Variants in CHKA observed in about 807,000 individuals in gnomAD.
CHKA encodes CHETK-alpha.
A neutral mutation model predicts 60.1 loss-of-function variants in CHKA; 34 were observed. That is an observed-to-expected ratio of 0.57 (90% CI 0.43 to 0.75). CHKA has a LOEUF of 0.75. Ranked by LOEUF, CHKA falls within the 30% of genes least tolerant of loss-of-function variation. CHKA has a pLI of 0.00. For synonymous variants in CHKA, 217 were observed against 223.1 expected (o/e 0.97, Z 0.24); for missense variants, 563 against 561.3 (o/e 1.00, Z -0.03).
intron 2 of CHKA, among the ~76,000 whole-genome samples, chr11:68,085,458 T>C (rs1232655701): frequency 6.6e-6 from 1 of 151,920 alleles, no homozygotes; most frequent in African/African-American, 2.4e-5. Flanking sequence ...TGAGCTCAAG[T>C]GATCCTCCTG....
chr11:68,113,377 T>C (rs934837988), intron 1 of CHKA, among the ~76,000 whole-genome samples: 1 of 152,108 alleles, frequency 6.6e-6, no homozygotes, highest in Non-Finnish European at 1.5e-5. Flanking sequence ...ATTTTCATCA[T>C]ATGTCATTAG....
chr11:68,070,887 C>T, intron 4 of CHKA, 30 bp from the exon 5 acceptor site: 1 of 1,595,018 alleles, frequency 6.3e-7, no homozygotes, highest in South Asian at 1.1e-5. Flanking sequence ...TAAAAACTGA[C>T]ATTTACCAAG....
chr11:68,085,409 C>G (rs1225383943), intron 2 of CHKA, among the ~76,000 whole-genome samples: 1 of 151,268 alleles, frequency 6.6e-6, no homozygotes, highest in Non-Finnish European at 1.5e-5. Context: ...CTTGTAGAGA[C>G]AAGATCTCAC....
intron 3 of CHKA, among the ~76,000 whole-genome samples, chr11:68,078,094 C>G (rs2134576022): frequency 6.6e-6 from 1 of 152,230 alleles, no homozygotes; most frequent in Middle Eastern, 3.4e-3. Flanking sequence ...CTTAAAATGC[C>G]CTTTCTTATG....
chr11:68,060,919 TGAG>T (rs1344156187), intron 11 of CHKA, among the ~76,000 whole-genome samples: 1 of 152,094 alleles, frequency 6.6e-6, no homozygotes, highest in African/African-American at 2.4e-5. Flanking sequence ...AGTATAAGAC[TGAG>T]GAGGTCAAAA....
intron 1 of CHKA, among the ~76,000 whole-genome samples, chr11:68,109,353 T>C (rs574711542): frequency 3.3e-5 from 5 of 152,202 alleles, no homozygotes; most frequent in African/African-American, 1.2e-4. Flanking sequence ...GCTCCCAAAG[T>C]GCTGGGATTA....
At chr11:68,116,152 T>C (rs1858375534) in intron 1 of CHKA, among the ~76,000 whole-genome samples, 1 of 152,186 alleles carries the variant, frequency 6.6e-6, no homozygotes, top group Non-Finnish European at 1.5e-5. Flanking sequence ...GAACGTAATG[T>C]CAAAAGATGT....
intron 11 of CHKA, among the ~76,000 whole-genome samples, chr11:68,060,599 C>T (rs1407247625): frequency 6.6e-6 from 1 of 152,256 alleles, no homozygotes; most frequent in African/African-American, 2.4e-5. Flanking sequence ...GCGTGAGCCA[C>T]TGCAACCGGC....
chr11:68,121,150 C>A lies in CHKA; in HGVS notation c.28G>T (p.Glu10Ter). 8.3e-7 allele frequency: 1 copy of A among 1,209,856 alleles called. No homozygotes were observed. Among genetic ancestry groups the A allele is most frequent in the Non-Finnish European group, 1.0e-6 (1 of 965,760 alleles). The allele number at this position is 1,209,856 out of a possible 1,614,324, so 74.9% of individuals were successfully genotyped here. A position where few individuals can be genotyped will look rare whatever the true frequency, so the allele number is the denominator to read the frequency against. The change falls in exon 1 of 12, where the codon GAG (glutamate) becomes TAG (stop). Residue 10 changes from glutamate to a stop codon, truncating the protein, a stop_gained. Coordinates refer to ENST00000265689, the MANE Select transcript of CHKA (RefSeq NM_001277.3). LOFTEE classifies it high-confidence loss of function. Reference sequence around the variant, plus strand: ...AGCCCGAGCGGCGAGGGCTCCGCCTCGCCCCCGGTGCAGAATTTGGTTTTC... The same window carrying A: ...AGCCCGAGCGGCGAGGGCTCCGCCTAGCCCCCGGTGCAGAATTTGGTTTTC... MKTKFCTGG[E>*]AEPSPLGLLL...
At chr11:68,098,355 T>A (rs973060234) in intron 1 of CHKA, among the ~76,000 whole-genome samples, 21 of 151,106 alleles carry the variant, frequency 1.4e-4, no homozygotes, top group Non-Finnish European at 3.1e-4. Context: ...TCACCTTCCA[T>A]CAGGACTACT....
At chr11:68,096,944 T>A in intron 2 of CHKA, 75 bp downstream of exon 2, 1 of 1,018,924 alleles carries the variant, frequency 9.8e-7, no homozygotes, top group South Asian at 1.6e-5. Context: ...TAAAATCTCT[T>A]TCCAAGGTAT....
intron 1 of CHKA, among the ~76,000 whole-genome samples, chr11:68,115,977 AC>A (rs1259582757): frequency 2.0e-5 from 3 of 152,322 alleles, no homozygotes; most frequent in African/African-American, 7.2e-5. Flanking sequence ...ACCATAAGAC[AC>A]AATTAACTTC....
At chr11:68,081,633 T>C in intron 2 of CHKA, 176 bp from the exon 3 acceptor site, 1 of 560,080 alleles carries the variant, frequency 1.8e-6, no homozygotes. Context: ...CCAGCACTAG[T>C]ACCAACACCT....
At chr11:68,069,806 C>T (rs1421042614) in intron 6 of CHKA, among the ~76,000 whole-genome samples, 3 of 152,174 alleles carry the variant, frequency 2.0e-5, no homozygotes, top group East Asian at 1.9e-4. Context: ...CTCTGTTTCT[C>T]GCAAAAGCCA....
At chr11:68,077,414 GGACA>G (rs1311453788) in intron 3 of CHKA, among the ~76,000 whole-genome samples, 6 of 152,184 alleles carry the variant, frequency 3.9e-5, no homozygotes, top group Non-Finnish European at 5.9e-5. Context: ...AAAGGGGGCT[GGACA>G]GACATGGCTG....
chr11:68,086,894 G>A (rs1306167380), intron 2 of CHKA, among the ~76,000 whole-genome samples: 2 of 152,242 alleles, frequency 1.3e-5, no homozygotes, highest in African/African-American at 4.8e-5. Flanking sequence ...GCTGAGGCAG[G>A]AGAATGGCGT....
chr11:68,101,139 G>A lies in CHKA; in HGVS notation c.351-4009C>T, dbSNP rs1230852376. On this transcript the variant is annotated intron_variant, in intron 1 of 11. Coordinates refer to ENST00000265689, the MANE Select transcript of CHKA (RefSeq NM_001277.3). ...ATTTTTTTGTATTTTTAGTAGAGAC[G>A]GGGTTTCACCGTGTTAGCCAGGATG... 2.6e-5 allele frequency among the ~76,000 whole-genome samples: 4 copies of A among 151,490 alleles called. No individual in the cohort carries two copies. In the South Asian group the frequency reaches 6.3e-4, roughly 24 times the overall value.
At chr11:68,100,158 T>TAAC (rs1857655446) in intron 1 of CHKA, among the ~76,000 whole-genome samples, 1 of 152,142 alleles carries the variant, frequency 6.6e-6, no homozygotes, top group African/African-American at 2.4e-5. Context: ...AGCAAAAATG[T>TAAC]AACAGTTCAA....
chr11:68,117,251 T>A (rs901187415), intron 1 of CHKA, among the ~76,000 whole-genome samples: 3 of 151,902 alleles, frequency 2.0e-5, no homozygotes, highest in African/African-American at 7.3e-5. Flanking sequence ...AAGCAGAGGG[T>A]AGGGGCAAAG....
Sources: allele counts gnomAD v4.1 joint callset (sites outside exome capture counted in the v4.1 genomes callset), GRCh38; gene constraint gnomAD v4.1.1; transcripts MANE v1.5; gene names NCBI Gene and HGNC (gene_info 2026-07-23, HGNC 2026-07-21).